Variants in CPS1 observed in about 807,000 individuals in gnomAD.
CPS1 encodes the protein carbamoyl-phosphate synthase 1, also known as carbamoyl-phosphate synthase [ammonia], mitochondrial.
CPS1 carries 109 observed loss-of-function variants against 174.6 expected under a neutral mutation model. The ratio of observed to expected loss-of-function variants is 0.62; its 90% CI spans 0.53 to 0.73. The LOEUF (loss-of-function observed/expected upper bound fraction) is 0.73. CPS1 is among the 30% of genes least tolerant of loss of function. The pLI, the probability that CPS1 is intolerant of heterozygous loss-of-function variation, is 0.00. For synonymous variants in CPS1, 637 were observed against 632.0 expected, an observed-to-expected ratio of 1.01 and a Z score of -0.12; for missense variants, 1,689 against 1,821.9, an observed-to-expected ratio of 0.93 and a Z score of 1.33.
intron 20 of CPS1, 24 bp from the exon 21 acceptor site, chr2:210,616,399 A>G: frequency 6.7e-7 from 1 of 1,496,792 alleles, no homozygotes; most frequent in Non-Finnish European, 9.3e-7. Flanking sequence ...TTGCCAAAGA[A>G]AGTATCTCTT....
chr2:210,564,937 G>A (rs1325367205), intron 1 of CPS1, among the ~76,000 whole-genome samples: 5 of 151,934 alleles, frequency 3.3e-5, no homozygotes, highest in Non-Finnish European at 5.9e-5. Flanking sequence ...AGAGGTTGCA[G>A]TGAGCCAAGA....
At chr2:210,481,216 C>G (rs1694560780) in intron 1 of CPS1, among the ~76,000 whole-genome samples, 1 of 152,156 alleles carries the variant, frequency 6.6e-6, no homozygotes, top group Non-Finnish European at 1.5e-5. Context: ...CCTTTCTCCA[C>G]CTAACACTTG....
chr2:210,513,372 CTACTGGTGTGAGA>C (rs1312379246), intron 1 of CPS1, among the ~76,000 whole-genome samples: 3 of 151,548 alleles, frequency 2.0e-5, no homozygotes, highest in Non-Finnish European at 3.0e-5. Flanking sequence ...ACAGCCATTC[CTACTGGTGTGAGA>C]TGGAATCTCA....
chr2:210,613,883 T>G (rs1003392756), intron 20 of CPS1, among the ~76,000 whole-genome samples: 2 of 151,942 alleles, frequency 1.3e-5, no homozygotes, highest in African/African-American at 4.8e-5. Flanking sequence ...TGATTTCTGT[T>G]TGTTAGAGGT....
intron 20 of CPS1, among the ~76,000 whole-genome samples, chr2:210,615,971 T>A (rs1333887898): frequency 1.3e-5 from 2 of 151,938 alleles, no homozygotes; most frequent in Admixed American, 6.6e-5. Context: ...GAATGTGGAG[T>A]GAGGTGATAA....
intron 1 of CPS1, among the ~76,000 whole-genome samples, chr2:210,503,245 T>C (rs1436776911): frequency 6.6e-6 from 1 of 152,172 alleles, no homozygotes; most frequent in Non-Finnish European, 1.5e-5. Flanking sequence ...TTTGGGATTT[T>C]CATTTTCCCT....
At chr2:210,549,497 G>A (rs1696664888) in intron 1 of CPS1, among the ~76,000 whole-genome samples, 1 of 151,990 alleles carries the variant, frequency 6.6e-6, no homozygotes, top group African/African-American at 2.4e-5. Flanking sequence ...TAAGTGTTGA[G>A]TTTGATTTGT....
At chr2:210,526,750 T>C (rs548267041) in intron 1 of CPS1, among the ~76,000 whole-genome samples, 1 of 151,936 alleles carries the variant, frequency 6.6e-6, no homozygotes, top group African/African-American at 2.4e-5. Flanking sequence ...AGAATGAAGC[T>C]GAATTAAGGA....
At chr2:210,504,239 C>T (rs1474265614) in intron 1 of CPS1, among the ~76,000 whole-genome samples, 1 of 152,152 alleles carries the variant, frequency 6.6e-6, no homozygotes, top group Admixed American at 6.5e-5. Flanking sequence ...TCCCTAGTTT[C>T]CATCTAGCAG....
intron 1 of CPS1, among the ~76,000 whole-genome samples, chr2:210,551,207 T>C (rs939958681): frequency 6.6e-6 from 1 of 151,946 alleles, no homozygotes; most frequent in African/African-American, 2.4e-5. Context: ...TTTGGCTATG[T>C]CTTCAATTTT....
intron 1 of CPS1, among the ~76,000 whole-genome samples, chr2:210,540,633 C>T (rs1402178210): frequency 6.6e-6 from 1 of 152,102 alleles, no homozygotes; most frequent in Admixed American, 6.5e-5. Context: ...TATCAGCAAA[C>T]CTCCATAGTA....
intron 1 of CPS1, among the ~76,000 whole-genome samples, chr2:210,535,420 A>G (rs1454767552): frequency 1.3e-5 from 2 of 151,950 alleles, no homozygotes; most frequent in Admixed American, 6.6e-5. Flanking sequence ...GCATTTAAAA[A>G]CCTCATGACC....
chr2:210,665,398 A>G (rs1223746200), intron 33 of CPS1, among the ~76,000 whole-genome samples: 2 of 151,418 alleles, frequency 1.3e-5, no homozygotes, highest in Non-Finnish European at 1.5e-5. Context: ...ATATGTATAC[A>G]TGTGCCATGC....
chr2:210,678,395 G>T lies in CPS1; in HGVS notation c.*410G>T, dbSNP rs1559142957. 4.5e-6 allele frequency: 1 copy of T among 220,524 alleles called. No individual in the cohort carries two copies. The allele number at this position is 220,524 out of a possible 1,614,324, so 13.7% of individuals were successfully genotyped here. A position where few individuals can be genotyped will look rare whatever the true frequency, so the allele number is the denominator to read the frequency against. On this transcript the variant is annotated 3_prime_UTR_variant, in exon 38 of 38. Transcript: ENST00000233072. ...TGCAAACTCAGGACACTTTAACAGGGCAGAATACTCTAAAAACTTGATAAA... is the reference window on the plus strand; with the variant it reads ...TGCAAACTCAGGACACTTTAACAGGTCAGAATACTCTAAAAACTTGATAAA...
chr2:210,581,944 A>C (rs1697935002), intron 5 of CPS1, among the ~76,000 whole-genome samples: 1 of 152,184 alleles, frequency 6.6e-6, no homozygotes, highest in African/African-American at 2.4e-5. Flanking sequence ...AAGTAGTTCA[A>C]AGCAGACTTA....
intron 1 of CPS1, among the ~76,000 whole-genome samples, chr2:210,542,423 G>A (rs1696457498): frequency 6.6e-6 from 1 of 152,030 alleles, no homozygotes; most frequent in South Asian, 2.1e-4. Flanking sequence ...TACTTTATTA[G>A]AAAGTAGAAA....
chr2:210,649,661 G>C (rs1234304665), intron 27 of CPS1, among the ~76,000 whole-genome samples: 1 of 152,148 alleles, frequency 6.6e-6, no homozygotes, highest in Non-Finnish European at 1.5e-5. Flanking sequence ...TAGTGTAAAA[G>C]AGGTAAATGC....
At chr2:210,585,640 A>G (rs1698081793) in intron 6 of CPS1, among the ~76,000 whole-genome samples, 1 of 151,984 alleles carries the variant, frequency 6.6e-6, no homozygotes. Context: ...ATCATCCCAT[A>G]CTGCCTTTCA....
At chr2:210,479,078 C>T (rs1694492786) in intron 1 of CPS1, among the ~76,000 whole-genome samples, 1 of 152,056 alleles carries the variant, frequency 6.6e-6, no homozygotes, top group Non-Finnish European at 1.5e-5. Context: ...CTCAGGCTGC[C>T]ACACAAAGAA....
Sources: gnomAD v4.1 joint callset for allele counts (sites outside exome capture counted in the v4.1 genomes callset) on GRCh38, gnomAD v4.1.1 for gene constraint, MANE v1.5 for transcripts, NCBI Gene and HGNC (gene_info 2026-07-23, HGNC 2026-07-21) for gene names.